The following COL4A3 variants were observed in gnomAD, a reference collection of about 807,000 sequenced individuals.
COL4A3 encodes the protein collagen type IV alpha 3 chain.
COL4A3 carries 135 observed loss-of-function variants against 217.4 expected under a neutral mutation model. The ratio of observed to expected loss-of-function variants is 0.62; its 90% CI spans 0.54 to 0.72. COL4A3 has a LOEUF of 0.72. Ranked by LOEUF, COL4A3 falls within the 30% of genes least tolerant of loss-of-function variation. The probability of loss-of-function intolerance (pLI) is 0.00; values close to 1 mark genes in which losing one functional copy is unlikely to be tolerated. For missense variants in COL4A3, 1,868 were observed against 2,119.9 expected, an observed-to-expected ratio of 0.88 and a Z score of 2.33; for synonymous variants, 690 against 736.3, an observed-to-expected ratio of 0.94 and a Z score of 1.02.
At chr2:227,218,734 T>TATA (rs1408588472) in intron 1 of COL4A3, among the ~76,000 whole-genome samples, 1 of 152,192 alleles carries the variant, frequency 6.6e-6, no homozygotes, top group Admixed American at 6.5e-5. Context: ...AAGGTGGAAA[T>TATA]AGAATCATCT....
intron 1 of COL4A3, among the ~76,000 whole-genome samples, chr2:227,190,474 T>G (rs1231158091): frequency 6.6e-6 from 1 of 152,220 alleles, no homozygotes; most frequent in Admixed American, 6.5e-5. Context: ...TAAATAGATA[T>G]GTTTTATATG....
intron 42 of COL4A3, 75 bp downstream of exon 42, chr2:227,297,934 C>A: frequency 1.4e-6 from 2 of 1,449,490 alleles, no homozygotes; most frequent in Non-Finnish European, 1.9e-6. Context: ...ACCTCCTCCT[C>A]ATGTTACCTT....
intron 1 of COL4A3, among the ~76,000 whole-genome samples, chr2:227,223,589 GAA>G (rs2067929546): frequency 2.0e-5 from 3 of 150,936 alleles, no homozygotes; most frequent in Admixed American, 2.0e-4. Context: ...AAATACAAAA[GAA>G]AAATTAGCCG....
chr2:227,276,196 T>C (rs1359756230), intron 26 of COL4A3, among the ~76,000 whole-genome samples, 189 bp from the exon 27 acceptor site: 1 of 152,240 alleles, frequency 6.6e-6, no homozygotes, highest in East Asian at 1.9e-4. Flanking sequence ...CTTATAAATA[T>C]TTGTTGATTC....
intron 1 of COL4A3, among the ~76,000 whole-genome samples, chr2:227,197,233 T>C (rs1486219624): frequency 6.6e-6 from 1 of 152,192 alleles, no homozygotes; most frequent in African/African-American, 2.4e-5. Context: ...GTTTGTTTTT[T>C]TGAGATGGAG....
intron 1 of COL4A3, among the ~76,000 whole-genome samples, chr2:227,225,938 C>G (rs1313280741): frequency 1.3e-5 from 2 of 152,108 alleles, no homozygotes; most frequent in Non-Finnish European, 1.5e-5. Flanking sequence ...TCTTGAACTC[C>G]TGACTTCAAG....
rs2069895943 is a variant in COL4A3, at chr2:227,253,262, T to G, written c.646-34T>G. The G allele has an allele frequency of 6.3e-7, 1 of 1,587,308 alleles. No homozygotes were observed. On this transcript the variant is annotated intron_variant, in intron 11 of 51. Coordinates refer to ENST00000396578, the MANE Select transcript of COL4A3 (RefSeq NM_000091.5). This position sits in a 1 kb window ranked among gnomAD's most constrained non-coding sequence, Gnocchi z 4.4. ...TTAGACTATTTATTCATATTTATTTTTAGAAAATAATTTGGTTTTGTGTTT... is the reference window on the plus strand; with the variant it reads ...TTAGACTATTTATTCATATTTATTTGTAGAAAATAATTTGGTTTTGTGTTT...
At chr2:227,173,427 C>T (rs2065562403) in intron 1 of COL4A3, among the ~76,000 whole-genome samples, 1 of 152,178 alleles carries the variant, frequency 6.6e-6, no homozygotes, top group African/African-American at 2.4e-5. Flanking sequence ...CCTGGCTCTG[C>T]TTTTCTCAAA....
chr2:227,294,333 C>T (rs2072922707), intron 38 of COL4A3, 157 bp from the exon 39 acceptor site: 4 of 709,304 alleles, frequency 5.6e-6, no homozygotes, highest in Non-Finnish European at 1.0e-5. Context: ...AGGAAAATTG[C>T]AGCCTGGACA....
chr2:227,293,281 G>A lies in COL4A3; in HGVS notation c.3301G>A (p.Gly1101Arg). Reference protein sequence around the residue: ...PGHLGPAGPEGAPGSPGSPGL... With the variant: ...PGHLGPAGPERAPGSPGSPGL... ...ACATTTGGGGCCTGCTGGACCTGAGGGAGCCCCTGGAAGTCCTGGAAGTCC... is the reference window on the plus strand; with the variant it reads ...ACATTTGGGGCCTGCTGGACCTGAGAGAGCCCCTGGAAGTCCTGGAAGTCC... Residue 1101 changes from glycine to arginine, a missense_variant, in exon 38 of 52, where the codon GGA becomes AGA. Around this residue, in one of 2 missense-constraint regions of COL4A3, gnomAD observed 1,503 missense variants for 1,786.1 expected, o/e 0.84. Transcript: ENST00000396578. The A allele has an allele frequency of 1.2e-6, 2 of 1,613,806 alleles. No individual in the cohort carries two copies. Among genetic ancestry groups the A allele is most frequent in the Non-Finnish European group, 1.7e-6 (2 of 1,180,020 alleles).
At chr2:227,188,582 C>T (rs2066118788) in intron 1 of COL4A3, among the ~76,000 whole-genome samples, 1 of 152,058 alleles carries the variant, frequency 6.6e-6, no homozygotes, top group South Asian at 2.1e-4. Context: ...GGAATCAAAA[C>T]CCAAATGAAA....
Position 227,251,152 on chromosome 2 carries a change from C to A in COL4A3, c.559C>A (p.Pro187Thr). ...GAPGPQGLPG[P>T]PGFPGPVGPP... Reference sequence around the variant, plus strand: ...TCTCAATTTCAAGGGTTTGCCAGGCCCTCCAGGTTTTCCTGGGCCTGTTGG... The same window carrying A: ...TCTCAATTTCAAGGGTTTGCCAGGCACTCCAGGTTTTCCTGGGCCTGTTGG... Residue 187 changes from proline to threonine, a missense_variant, in exon 10 of 52, where the codon CCT becomes ACT. This residue lies in a region of COL4A3 where 365 missense variants were observed against 333.8 expected (regional missense o/e 1.09). Coordinates refer to ENST00000396578, the MANE Select transcript of COL4A3 (RefSeq NM_000091.5). 2 of 1,613,506 alleles carry A rather than the reference C, an allele frequency of 1.2e-6. No homozygotes were observed. Among genetic ancestry groups the A allele is most frequent in the Non-Finnish European group, 1.7e-6 (2 of 1,179,478 alleles).
chr2:227,167,802 A>G (rs958020939), intron 1 of COL4A3, among the ~76,000 whole-genome samples: 4 of 135,520 alleles, frequency 3.0e-5, no homozygotes, highest in Admixed American at 8.0e-5. Context: ...TACCTTTAGG[A>G]AAAAAAAAAT....
chr2:227,300,708 A>G (rs977348065), intron 43 of COL4A3, among the ~76,000 whole-genome samples: 2 of 152,192 alleles, frequency 1.3e-5, no homozygotes, highest in Non-Finnish European at 2.9e-5. Context: ...ATAGACACAG[A>G]GACGGCCATT....
At chr2:227,307,364 C>G (rs1402119271) in intron 47 of COL4A3, among the ~76,000 whole-genome samples, 1 of 152,090 alleles carries the variant, frequency 6.6e-6, no homozygotes, top group African/African-American at 2.4e-5. Flanking sequence ...GATTTTTCCC[C>G]CATCACATTG....
At chr2:227,248,552 C>G (rs1417756906) in intron 9 of COL4A3, 32 bp downstream of exon 9, 1 of 1,464,538 alleles carries the variant, frequency 6.8e-7, no homozygotes, top group Non-Finnish European at 9.6e-7. Context: ...CCCTATTATT[C>G]TCAGTTTTTC....
rs1380163297 is a variant in COL4A3, at chr2:227,202,783, T to C, written c.88-35185T>C. 2.3e-5 allele frequency among the ~76,000 whole-genome samples: 3 copies of C among 133,058 alleles called. No homozygotes were observed. The East Asian group carries it at 6.1e-4, about 27-fold the overall frequency. 87.3% of individuals were successfully genotyped at this position (133,058 alleles called of 152,430 possible). A position where few individuals can be genotyped will look rare whatever the true frequency, so the allele number is the denominator to read the frequency against. ...TATATATATATATATCACATATATA[T>C]ACACATGTGTATATATATAATATGT... is the stretch of plus-strand genomic sequence containing the variant. On this transcript the variant is annotated intron_variant, in intron 1 of 51. Transcript: ENST00000396578.
chr2:227,258,347 C>T (rs952933236), intron 18 of COL4A3, among the ~76,000 whole-genome samples: 12 of 152,204 alleles, frequency 7.9e-5, no homozygotes, highest in African/African-American at 2.2e-4. Context: ...AGTTCTCAGA[C>T]CCCCATGCTC....
chr2:227,202,472 C>T (rs902273793), intron 1 of COL4A3, among the ~76,000 whole-genome samples: 20 of 151,824 alleles, frequency 1.3e-4, no homozygotes, highest in Admixed American at 5.9e-4. Context: ...TAGCCGGGCG[C>T]GGTGGCTCTC....
Sources: gnomAD v4.1 joint callset for allele counts (sites outside exome capture counted in the v4.1 genomes callset) on GRCh38, gnomAD v4.1.1 for gene constraint, gnomAD v4.1.1 regional missense constraint, Gnocchi (gnomAD v3.1) non-coding constraint, MANE v1.5 for transcripts, NCBI Gene and HGNC (gene_info 2026-07-23, HGNC 2026-07-21) for gene names.